The following GPR176 variants were observed in gnomAD, a reference collection of about 807,000 sequenced individuals.
GPR176 encodes the protein G-protein coupled receptor 176.
A neutral mutation model predicts 35.4 loss-of-function variants in GPR176; 26 were observed. The ratio of observed to expected loss-of-function variants is 0.74; its 90% confidence interval spans 0.54 to 1.02. The LOEUF (loss-of-function observed/expected upper bound fraction) is 1.02, where lower values mean the gene tolerates loss of function less well. Among genes scored for constraint, GPR176 ranks in the 50% least tolerant of loss-of-function variants. The pLI, the probability that GPR176 is intolerant of heterozygous loss-of-function variation, is 0.00. For missense variants in GPR176, 597 were observed against 665.3 expected (o/e 0.90, Z 1.13); for synonymous variants, 278 against 271.3 (o/e 1.02, Z -0.24).
chr15:39,860,834 TAAG>T (rs1042408419), intron 1 of GPR176: 3 of 152,186 alleles, frequency 2.0e-5, no homozygotes, highest in African/African-American at 7.2e-5. Context: ...AAATGAAACG[TAAG>T]TTCCATTCTC....
chr15:39,807,703 G>A, intron 1 of GPR176: 2 of 637,548 alleles, frequency 3.1e-6, no homozygotes, highest in Non-Finnish European at 5.7e-6. Flanking sequence ...GTAAAGAGAA[G>A]CAGGTGAGAT....
At chr15:39,878,527 C>T (rs1185444319) in intron 1 of GPR176, among the ~76,000 whole-genome samples, 1 of 151,770 alleles carries the variant, frequency 6.6e-6, no homozygotes, top group Non-Finnish European at 1.5e-5. Flanking sequence ...ATTCATCTGT[C>T]TACAGACACA....
intron 1 of GPR176, among the ~76,000 whole-genome samples, chr15:39,879,550 C>A (rs1304736683): frequency 6.6e-6 from 1 of 152,198 alleles, no homozygotes; most frequent in Non-Finnish European, 1.5e-5. Flanking sequence ...AGCTCCCCCT[C>A]CTTGACCTTA....
intron 1 of GPR176, among the ~76,000 whole-genome samples, chr15:39,860,342 T>A (rs1446114707): frequency 6.6e-6 from 1 of 152,216 alleles, no homozygotes; most frequent in Non-Finnish European, 1.5e-5. Context: ...AAAAAGCACA[T>A]TCCTCCCCTG....
rs530525925 is a variant in GPR176 at position 39,811,363 on chromosome 15, T to C, written c.173-4105A>G. On this transcript the variant is annotated intron_variant, in intron 1 of 2. Coordinates refer to ENST00000561100, the MANE Select transcript of GPR176 (RefSeq NM_007223.3). ...ACATTTAATATAATTATTGATATGG[T>C]TGTATTAAAATCTGCCATCCTGCCA... is the stretch of plus-strand genomic sequence containing the variant. Among the ~76,000 whole-genome samples the C allele has an allele frequency of 2.0e-5, 3 of 152,102 alleles. No homozygotes were observed. The East Asian group carries it at 5.8e-4, about 29-fold the overall frequency.
intron 1 of GPR176, among the ~76,000 whole-genome samples, chr15:39,850,982 C>A (rs182378687): frequency 6.6e-6 from 1 of 151,948 alleles, no homozygotes. Flanking sequence ...GAAGTAGATA[C>A]GGGACATATA....
chr15:39,864,290 AC>A (rs2031732233), intron 1 of GPR176, among the ~76,000 whole-genome samples: 1 of 152,146 alleles, frequency 6.6e-6, no homozygotes, highest in Non-Finnish European at 1.5e-5. Context: ...TTAAACTGTC[AC>A]CACATCAAAA....
intron 1 of GPR176, among the ~76,000 whole-genome samples, chr15:39,917,144 G>A (rs757811707): frequency 6.6e-6 from 1 of 151,908 alleles, no homozygotes; most frequent in African/African-American, 2.4e-5. Flanking sequence ...TTAGCCAGGC[G>A]TGGTGGCGGG....
chr15:39,801,753 G>T lies in GPR176; in HGVS notation c.927C>A (p.Pro309=). 5 of 1,613,846 alleles carry T rather than the reference G, an allele frequency of 3.1e-6. No individual in the cohort carries two copies. Among genetic ancestry groups the T allele is most frequent in the Non-Finnish European group, 4.2e-6 (5 of 1,179,832 alleles). Residue 309 remains proline (P), a synonymous_variant, in exon 3 of 3, where the codon CCC becomes CCA. Coordinates refer to ENST00000561100, the MANE Select transcript of GPR176 (RefSeq NM_007223.3). ...VFLLLTAVWL[P]KVSLLANPVL... ...CAGGGTTTGCCAGCAGGGAGACTTT[G>T]GGCAGCCAAACAGCAGTGAGCAGCA...
intron 1 of GPR176, among the ~76,000 whole-genome samples, chr15:39,879,382 G>A (rs1262643671): frequency 1.3e-5 from 2 of 152,206 alleles, no homozygotes; most frequent in Admixed American, 6.5e-5. Flanking sequence ...GAACAGGTCA[G>A]TGGTCATCAG....
chr15:39,829,080 C>T (rs1900885365), intron 1 of GPR176: 1 of 1,070,242 alleles, frequency 9.3e-7, no homozygotes, highest in African/African-American at 1.6e-5. Context: ...AGGTTAATTA[C>T]CCAAAGTTCT....
intron 1 of GPR176, among the ~76,000 whole-genome samples, chr15:39,907,765 C>A (rs1025648277): frequency 6.6e-6 from 1 of 152,086 alleles, no homozygotes; most frequent in Non-Finnish European, 1.5e-5. Context: ...TTTCTTGCCA[C>A]TAGGTTTTTA....
At chr15:39,829,406 C>T (rs1302529912) in intron 1 of GPR176, 2 of 1,108,360 alleles carry the variant, frequency 1.8e-6, no homozygotes, top group Admixed American at 8.5e-5. Context: ...TAGGAAAGCC[C>T]TGTAGAGTGA....
chr15:39,874,833 C>T (rs1017505276), intron 1 of GPR176, among the ~76,000 whole-genome samples: 1 of 152,110 alleles, frequency 6.6e-6, no homozygotes, highest in Non-Finnish European at 1.5e-5. Context: ...CACCTGAGGT[C>T]GGGAGTTCAA....
chr15:39,863,419 T>C (rs2031694314), intron 1 of GPR176, among the ~76,000 whole-genome samples: 1 of 151,932 alleles, frequency 6.6e-6, no homozygotes, highest in African/African-American at 2.4e-5. Context: ...AAGAAAAAAT[T>C]TGTACAGCTA....
At chr15:39,802,393 C>A in intron 2 of GPR176, 139 bp from the exon 3 acceptor site, 1 of 661,766 alleles carries the variant, frequency 1.5e-6, no homozygotes, top group Non-Finnish European at 2.5e-6. Flanking sequence ...CTGGGGGAAT[C>A]CAGGAAGCCA....
chr15:39,896,322 T>C (rs928392655), intron 1 of GPR176, among the ~76,000 whole-genome samples: 7 of 152,230 alleles, frequency 4.6e-5, no homozygotes, highest in African/African-American at 1.7e-4. Context: ...CCTCAAGCCA[T>C]CATCCTGCCT....
intron 1 of GPR176, among the ~76,000 whole-genome samples, chr15:39,840,788 T>A (rs1013453408): frequency 1.7e-4 from 26 of 152,172 alleles, no homozygotes; most frequent in Non-Finnish European, 2.2e-4. Flanking sequence ...GAAAAAAATT[T>A]AAAAAAATAG....
At chr15:39,884,456 G>A (rs1595505381) in intron 1 of GPR176, among the ~76,000 whole-genome samples, 2 of 152,288 alleles carry the variant, frequency 1.3e-5, no homozygotes, top group Admixed American at 1.3e-4. Flanking sequence ...TTGACTTTAT[G>A]TATCAGAAAT....
Sources: gnomAD v4.1 joint callset for allele counts (sites outside exome capture counted in the v4.1 genomes callset) on GRCh38, gnomAD v4.1.1 for gene constraint, MANE v1.5 for transcripts, NCBI Gene and HGNC (gene_info 2026-07-23, HGNC 2026-07-21) for gene names.